The following THBS2 variants were observed in gnomAD, a reference collection of about 807,000 sequenced individuals.
THBS2 encodes the protein thrombospondin-2.
Under a neutral mutation model 135.2 loss-of-function variants are expected in THBS2, and 47 were observed. The observed-to-expected ratio is 0.35, with a 90% CI of 0.28 to 0.44. The LOEUF is 0.44. Ranked by LOEUF, THBS2 falls within the 20% of genes least tolerant of loss-of-function variation. The probability of loss-of-function intolerance (pLI) is 1.00; values close to 1 mark genes in which losing one functional copy is unlikely to be tolerated. For missense variants in THBS2, 1,288 were observed against 1,603.1 expected, an observed-to-expected ratio of 0.80 and a Z score of 3.36; for synonymous variants, 639 against 633.8, an observed-to-expected ratio of 1.01 and a Z score of -0.12.
chr6:169,218,663 G>A (rs1160135344), intron 21 of THBS2, among the ~76,000 whole-genome samples: 7 of 126,448 alleles, frequency 5.5e-5, no homozygotes, highest in African/African-American at 1.5e-4. Flanking sequence ...TGGATGAGAT[G>A]GATGGGCGGA....
intron 9 of THBS2, among the ~76,000 whole-genome samples, chr6:169,235,553 G>C (rs1780001948): frequency 6.6e-6 from 1 of 151,994 alleles, no homozygotes; most frequent in Non-Finnish European, 1.5e-5. Flanking sequence ...TTTGGGCCAA[G>C]CGCTCTGTAA....
intron 4 of THBS2, among the ~76,000 whole-genome samples, chr6:169,242,965 G>A (rs985516714): frequency 1.1e-4 from 1 of 9,514 alleles, no homozygotes; most frequent in Non-Finnish European, 1.8e-4. Context: ...CCTTCCCACT[G>A]CTCCCACCTT....
intron 17 of THBS2, among the ~76,000 whole-genome samples, chr6:169,224,774 A>G (rs1779558893): frequency 6.6e-6 from 1 of 152,210 alleles, no homozygotes; most frequent in African/African-American, 2.4e-5. Flanking sequence ...CTTTCAAAAA[A>G]ATCCTCCTTG....
chr6:169,235,708 G>A (rs1441364524), intron 9 of THBS2, among the ~76,000 whole-genome samples: 3 of 118,838 alleles, frequency 2.5e-5, no homozygotes, highest in Non-Finnish European at 5.4e-5. Context: ...CACTCACTCA[G>A]TCCACACTCA....
intron 8 of THBS2, 99 bp from the exon 9 acceptor site, chr6:169,237,445 T>A: frequency 6.6e-7 from 1 of 1,525,720 alleles, no homozygotes; most frequent in Non-Finnish European, 9.0e-7. Context: ...TCACAGCTGC[T>A]GAGGAGAGGG....
intron 17 of THBS2, among the ~76,000 whole-genome samples, chr6:169,224,520 C>T (rs1013514596): frequency 2.0e-5 from 3 of 150,132 alleles, no homozygotes; most frequent in African/African-American, 4.9e-5. Flanking sequence ...ACGTGGCTTC[C>T]AAAGAGAGCC....
chr6:169,221,365 G>A (rs1451331336), intron 20 of THBS2, 65 bp downstream of exon 20: 1 of 1,438,116 alleles, frequency 7.0e-7, no homozygotes, highest in South Asian at 1.1e-5. Flanking sequence ...GTCTATTAAT[G>A]TTCAAATGTG....
rs767944182 is a variant in THBS2, at chr6:169,248,398, A to C, written c.609+19T>G. ...AGCTCTTTCCTCCCTCACGGCGGCC[A>C]CCTCCCTGCAGAGCGTACCCTGAAG... is the stretch of plus-strand genomic sequence containing the variant. On this transcript the variant is annotated intron_variant, in intron 3 of 21. Transcript: ENST00000617924. 1 of 1,582,206 alleles carries C rather than the reference A, an allele frequency of 6.3e-7. No individual in the cohort carries two copies. The highest frequency in any genetic ancestry group is 1.1e-5 in the South Asian group (1 of 88,684).
intron 14 of THBS2, among the ~76,000 whole-genome samples, chr6:169,228,906 CAA>C (rs535971273): frequency 3.0e-4 from 34 of 112,850 alleles, no homozygotes; most frequent in Non-Finnish European, 2.6e-4. Flanking sequence ...CCTGAGCGAC[CAA>C]AAAAAAAAAA....
chr6:169,235,319 GC>G (rs1409993915), intron 9 of THBS2, among the ~76,000 whole-genome samples: 2 of 151,730 alleles, frequency 1.3e-5, no homozygotes, highest in Non-Finnish European at 2.9e-5. Context: ...ACCGTGCCCG[GC>G]CCCACACCAC....
intron 1 of THBS2, among the ~76,000 whole-genome samples, chr6:169,253,494 G>A (rs1780819162): frequency 6.6e-6 from 1 of 152,186 alleles, no homozygotes; most frequent in African/African-American, 2.4e-5. Context: ...TGAAAGCACA[G>A]CCACGGAGGA....
chr6:169,241,879 G>A lies in THBS2; in HGVS notation c.774C>T (p.Ser258=), dbSNP rs772185055. ...CGCACACCTCGGGCCTCCTCTCCGAGCTGGGGCCCACGTACTCGGTGGTGA... is the reference window on the plus strand; with the variant it reads ...CGCACACCTCGGGCCTCCTCTCCGAACTGGGGCCCACGTACTCGGTGGTGA... ...PHVTTEYVGP[S]SERRPEVCER... The change falls in exon 5 of 22, where the codon AGC becomes AGT. Residue 258 remains serine (S), a synonymous_variant. Transcript: ENST00000617924. The surrounding 1 kb of genome is among the most constrained non-coding windows in gnomAD (Gnocchi z 5.5). 7 of 1,612,190 alleles carry A rather than the reference G, an allele frequency of 4.3e-6. No homozygotes were observed. Among genetic ancestry groups the A allele is most frequent in the Non-Finnish European group, 5.9e-6 (7 of 1,179,972 alleles).
intron 9 of THBS2, among the ~76,000 whole-genome samples, chr6:169,235,217 T>G (rs1779992211): frequency 6.6e-6 from 1 of 151,992 alleles, no homozygotes; most frequent in Non-Finnish European, 1.5e-5. Context: ...AGAGAGGGTC[T>G]CGCTATGTTG....
intron 21 of THBS2, among the ~76,000 whole-genome samples, chr6:169,219,371 AGATGGGTGGATGAATGGATGGATG>A (rs1779335877): frequency 8.1e-6 from 1 of 123,434 alleles, no homozygotes; most frequent in Non-Finnish European, 1.7e-5. Flanking sequence ...TGAATGGATG[AGATGGGTGGATGAATGGATGGATG>A]GATGGGTGGA....
At chr6:169,228,496 T>G (rs570065507) in intron 14 of THBS2, among the ~76,000 whole-genome samples, 3 of 151,592 alleles carry the variant, frequency 2.0e-5, no homozygotes, top group Non-Finnish European at 4.4e-5. Context: ...AAAAAGCCAG[T>G]CAGGGCAGGG....
chr6:169,239,560 T>C, intron 7 of THBS2, 39 bp downstream of exon 7: 1 of 1,536,118 alleles, frequency 6.5e-7, no homozygotes, highest in Non-Finnish European at 8.9e-7. Context: ...ATGGAATTCC[T>C]AAAAATGCAG....
At chr6:169,226,898 C>T (rs1033813224) in intron 15 of THBS2, among the ~76,000 whole-genome samples, 2 of 152,136 alleles carry the variant, frequency 1.3e-5, no homozygotes, top group Non-Finnish European at 2.9e-5. Context: ...CTGAGACGCT[C>T]GCCTTGCTTT....
intron 1 of THBS2, among the ~76,000 whole-genome samples, chr6:169,251,453 G>A (rs1169012058): frequency 6.6e-6 from 1 of 152,116 alleles, no homozygotes; most frequent in African/African-American, 2.4e-5. Flanking sequence ...GGGATTTTAA[G>A]TTGGCACAGC....
intron 4 of THBS2, among the ~76,000 whole-genome samples, chr6:169,244,746 C>T (rs1027284890): frequency 1.2e-4 from 18 of 152,272 alleles, no homozygotes; most frequent in East Asian, 5.8e-4. Flanking sequence ...GGCCCTGGCA[C>T]GCAGAGTGCT....
Sources: gnomAD v4.1 joint callset for allele counts (sites outside exome capture counted in the v4.1 genomes callset) on GRCh38, gnomAD v4.1.1 for gene constraint, Gnocchi (gnomAD v3.1) non-coding constraint, MANE v1.5 for transcripts, NCBI Gene and HGNC (gene_info 2026-07-23, HGNC 2026-07-21) for gene names.